The following UMAD1 variants were observed in gnomAD, a reference collection of about 807,000 sequenced individuals.
UMAD1 encodes the protein UBAP1-MVB12-associated (UMA)-domain containing protein 1.
A neutral mutation model predicts 6.1 loss-of-function variants in UMAD1; 8 were observed. The ratio of observed to expected loss-of-function variants is 1.30; its 90% CI spans 0.76 to 2.35. The LOEUF is 2.35. Ranked by LOEUF, UMAD1 falls within the 30% of genes most tolerant of loss-of-function variation. The pLI is 0.00. For synonymous variants in UMAD1, 56 were observed against 31.4 expected (o/e 1.78, Z -2.61); for missense variants, 130 against 78.4 (o/e 1.66, Z -2.49).
Position 7,877,539 on chromosome 7 carries a change from C to T in UMAD1, c.*1C>T, listed in dbSNP as rs1314718365. On this transcript the variant is annotated 3_prime_UTR_variant, in exon 4 of 4. Coordinates refer to ENST00000682710, the MANE Select transcript of UMAD1 (RefSeq NM_001302348.2). ...AAATTCAGTGCTCTGTGATTCATAA[C>T]CTTTATGTCTGTTTGCACCTTAACA... 3 of 716,790 alleles carry T rather than the reference C, an allele frequency of 4.2e-6. No individual in the cohort carries two copies. Among genetic ancestry groups the T allele is most frequent in the Non-Finnish European group, 7.8e-6 (3 of 384,900 alleles). The allele number at this position is 716,790 out of a possible 1,614,324, so 44.4% of individuals were successfully genotyped here.
At chr7:7,831,678 C>T (rs1783469792) in intron 3 of UMAD1, among the ~76,000 whole-genome samples, 1 of 152,186 alleles carries the variant, frequency 6.6e-6, no homozygotes, top group Non-Finnish European at 1.5e-5. Context: ...AATTACCTAA[C>T]TTTGCTGTAT....
chr7:7,827,409 C>T (rs1005879622), intron 3 of UMAD1, among the ~76,000 whole-genome samples: 1 of 151,684 alleles, frequency 6.6e-6, no homozygotes, highest in African/African-American at 2.4e-5. Context: ...ACTTGTGCCA[C>T]CTATTATTTT....
intron 3 of UMAD1, among the ~76,000 whole-genome samples, chr7:7,809,135 A>G (rs1378559405): frequency 1.3e-5 from 2 of 152,036 alleles, no homozygotes; most frequent in African/African-American, 4.8e-5. Context: ...TAGTAGCAAT[A>G]ACAATAAAAA....
chr7:7,672,645 G>A (rs1779636211), intron 1 of UMAD1, among the ~76,000 whole-genome samples: 1 of 152,112 alleles, frequency 6.6e-6, no homozygotes, highest in Non-Finnish European at 1.5e-5. Context: ...TAAGGGGCTT[G>A]GCACTCATTC....
intron 2 of UMAD1, among the ~76,000 whole-genome samples, chr7:7,783,425 T>G (rs956815194): frequency 6.6e-6 from 1 of 152,084 alleles, no homozygotes; most frequent in Non-Finnish European, 1.5e-5. Flanking sequence ...AAAGAGAAAT[T>G]CAGATGCTGC....
chr7:7,694,013 A>T (rs1780243814), intron 2 of UMAD1, among the ~76,000 whole-genome samples: 1 of 152,174 alleles, frequency 6.6e-6, no homozygotes, highest in Admixed American at 6.5e-5. Context: ...TTGTTGATAT[A>T]AGGCAACTGA....
At chr7:7,794,233 C>CA (rs1249907387) in intron 2 of UMAD1, among the ~76,000 whole-genome samples, 1 of 152,184 alleles carries the variant, frequency 6.6e-6, no homozygotes, top group East Asian at 1.9e-4. Flanking sequence ...CACAACAGCC[C>CA]ATTTCCAGTC....
chr7:7,806,037 A>G (rs1782906790), intron 3 of UMAD1, among the ~76,000 whole-genome samples: 1 of 152,162 alleles, frequency 6.6e-6, no homozygotes, highest in Non-Finnish European at 1.5e-5. Flanking sequence ...GTCTTTGTCC[A>G]TCTGCCAGGT....
At chr7:7,696,192 G>C (rs1479228206) in intron 2 of UMAD1, among the ~76,000 whole-genome samples, 1 of 150,948 alleles carries the variant, frequency 6.6e-6, no homozygotes, top group Non-Finnish European at 1.5e-5. Context: ...TTTTTGTAGA[G>C]ATGGGGGTTT....
At chr7:7,819,801 TTC>T (rs1361842020) in intron 3 of UMAD1, among the ~76,000 whole-genome samples, 2 of 152,240 alleles carry the variant, frequency 1.3e-5, no homozygotes, top group Non-Finnish European at 2.9e-5. Flanking sequence ...GTTCTCTAAC[TTC>T]TCATCCGGGT....
At chr7:7,731,482 A>ACTC (rs570519767) in intron 2 of UMAD1, among the ~76,000 whole-genome samples, 33 of 112,994 alleles carry the variant, frequency 2.9e-4, no homozygotes, top group Non-Finnish European at 2.8e-4. Context: ...CAAACAAACA[A>ACTC]CCCCCCCCCA....
chr7:7,643,675 T>A (rs948081262), intron 1 of UMAD1, among the ~76,000 whole-genome samples: 1 of 148,698 alleles, frequency 6.7e-6, no homozygotes, highest in East Asian at 2.0e-4. Context: ...TCGCGCCACT[T>A]CACTCCAACC....
intron 2 of UMAD1, among the ~76,000 whole-genome samples, chr7:7,796,288 C>G (rs6977911): frequency 0.92 from 122,595 of 132,882 alleles, 56,468 homozygotes; most frequent in East Asian, 0.97. Flanking sequence ...TTTCGCTCTT[C>G]TTGCCCAGGC....
At chr7:7,643,721 AAAAACAAACAAAC>A (rs1785029974) in intron 1 of UMAD1, among the ~76,000 whole-genome samples, 1 of 5,542 alleles carries the variant, frequency 1.8e-4, no homozygotes, top group Admixed American at 1.8e-3. Flanking sequence ...CAAAAAAAAA[AAAAACAAACAAAC>A]GAAAAAAAAA....
At chr7:7,823,961 G>C (rs1370961577) in intron 3 of UMAD1, among the ~76,000 whole-genome samples, 1 of 152,126 alleles carries the variant, frequency 6.6e-6, no homozygotes, top group African/African-American at 2.4e-5. Flanking sequence ...CTTTGAAAGA[G>C]TGAATTCATA....
intron 2 of UMAD1, among the ~76,000 whole-genome samples, chr7:7,772,151 A>AT (rs1192195565): frequency 2.6e-5 from 4 of 152,232 alleles, no homozygotes; most frequent in Non-Finnish European, 5.9e-5. Flanking sequence ...TGTGTCAATC[A>AT]TTTTAGCTAT....
intron 3 of UMAD1, among the ~76,000 whole-genome samples, chr7:7,809,399 C>CT (rs899302528): frequency 6.6e-6 from 1 of 151,844 alleles, no homozygotes; most frequent in African/African-American, 2.4e-5. Flanking sequence ...TTGTTCATTT[C>CT]TTTTTAAAAA....
chr7:7,861,429 G>A (rs1180811116), intron 3 of UMAD1, among the ~76,000 whole-genome samples: 2 of 152,122 alleles, frequency 1.3e-5, no homozygotes, highest in Non-Finnish European at 2.9e-5. Flanking sequence ...CTTCTATTTT[G>A]AAATATAACC....
chr7:7,833,184 A>G (rs1371445862), intron 3 of UMAD1, among the ~76,000 whole-genome samples: 2 of 152,078 alleles, frequency 1.3e-5, no homozygotes, highest in Non-Finnish European at 2.9e-5. Flanking sequence ...AGAGTGATAG[A>G]CTAGAGCTGG....
Sources: gnomAD v4.1 joint callset for allele counts (sites outside exome capture counted in the v4.1 genomes callset) on GRCh38, gnomAD v4.1.1 for gene constraint, MANE v1.5 for transcripts, NCBI Gene and HGNC (gene_info 2026-07-23, HGNC 2026-07-21) for gene names.